DOCK2: variants seen among roughly 807,000 people sequenced by gnomAD.
DOCK2 encodes the protein dedicator of cytokinesis protein 2.
In DOCK2, 87 loss-of-function variants were observed where a neutral mutation model predicts 248.9. The observed-to-expected ratio is 0.35, with a 90% confidence interval of 0.29 to 0.42. The LOEUF is 0.42. Among genes scored for constraint, DOCK2 ranks in the 10% least tolerant of loss-of-function variants. The pLI is 1.00. For missense variants in DOCK2, 1,747 were observed against 2,300.2 expected, an observed-to-expected ratio of 0.76 and a Z score of 4.92; for synonymous variants, 805 against 821.6, an observed-to-expected ratio of 0.98 and a Z score of 0.35.
In DOCK2 at chr5:170,045,921, G is replaced by C; in HGVS notation, c.3966+16G>C. 6.2e-7 allele frequency: 1 copy of C among 1,613,800 alleles called. No individual in the cohort carries two copies. On this transcript the variant is annotated intron_variant, in intron 39 of 51. Coordinates refer to ENST00000520908, the MANE Select transcript of DOCK2 (RefSeq NM_004946.3). ...CCAGAACCTGGTAAGGCATCCCCTGGGAAGGCTGAATGCCCTGCAGGCTGG... is the reference window on the plus strand; with the variant it reads ...CCAGAACCTGGTAAGGCATCCCCTGCGAAGGCTGAATGCCCTGCAGGCTGG...
intron 26 of DOCK2, among the ~76,000 whole-genome samples, chr5:169,805,565 G>T (rs1012979122): frequency 1.4e-4 from 21 of 152,334 alleles, no homozygotes; most frequent in African/African-American, 4.3e-4. Flanking sequence ...TGTGCTAATT[G>T]TCAAGTTCCT....
intron 9 of DOCK2, among the ~76,000 whole-genome samples, chr5:169,693,941 G>A (rs1359125835): frequency 1.3e-5 from 2 of 152,182 alleles, no homozygotes; most frequent in Non-Finnish European, 2.9e-5. Flanking sequence ...CCTTTACTTA[G>A]TCAGCTGGTT....
At chr5:169,663,491 A>G (rs1268859353) in intron 2 of DOCK2, among the ~76,000 whole-genome samples, 1 of 152,212 alleles carries the variant, frequency 6.6e-6, no homozygotes, top group Non-Finnish European at 1.5e-5. Flanking sequence ...GAGGTTATCC[A>G]TGAAGATTCT....
chr5:169,770,451 T>A (rs970929933), intron 25 of DOCK2, among the ~76,000 whole-genome samples: 2 of 151,464 alleles, frequency 1.3e-5, no homozygotes, highest in African/African-American at 4.9e-5. Flanking sequence ...CATACCACCA[T>A]GTCTGGTGAA....
intron 26 of DOCK2, among the ~76,000 whole-genome samples, chr5:169,811,278 C>T (rs1490553150): frequency 6.6e-6 from 1 of 152,204 alleles, no homozygotes; most frequent in Non-Finnish European, 1.5e-5. Context: ...CTCTGATAAA[C>T]CTAGGCAGTT....
At chr5:169,733,612 T>A (rs1762894200) in intron 22 of DOCK2, among the ~76,000 whole-genome samples, 1 of 152,162 alleles carries the variant, frequency 6.6e-6, no homozygotes, top group African/African-American at 2.4e-5. Context: ...AAGTTAATCT[T>A]GTAGACTTAA....
In DOCK2 at chr5:169,895,441, G is replaced by A. The variant is rs190209078; in HGVS notation, c.2799+54589G>A. Among the ~76,000 whole-genome samples, 475 of 152,226 alleles carry A rather than the reference G, an allele frequency of 3.1e-3. 2 individuals are homozygous for A. The highest frequency in any genetic ancestry group is 4.9e-3 in the Non-Finnish European group (330 of 68,004). On this transcript the variant is annotated intron_variant, in intron 27 of 51. Transcript: ENST00000520908. ...GAACTTTCCTGGAGATCCGGGGACA[G>A]GGGGTGGTCTCACTCCTAACCACCT...
At chr5:169,880,568 C>T (rs1397373420) in intron 27 of DOCK2, among the ~76,000 whole-genome samples, 1 of 152,202 alleles carries the variant, frequency 6.6e-6, no homozygotes, top group East Asian at 1.9e-4. Context: ...AGTGGGCTTC[C>T]AGCTAAGGGG....
At chr5:170,001,527 A>G (rs1336673482) in intron 30 of DOCK2, among the ~76,000 whole-genome samples, 1 of 152,190 alleles carries the variant, frequency 6.6e-6, no homozygotes, top group African/African-American at 2.4e-5. Flanking sequence ...TAGCTCTGTG[A>G]TGTCGGACAA....
chr5:169,891,995 C>CAA (rs571918885), intron 27 of DOCK2, among the ~76,000 whole-genome samples: 3 of 64,208 alleles, frequency 4.7e-5, no homozygotes, highest in Non-Finnish European at 6.2e-5. Context: ...GATTCCGTCC[C>CAA]AAAAAAAAAA....
chr5:170,067,252 C>T lies in DOCK2; in HGVS notation c.4468-258C>T, dbSNP rs563883487. On this transcript the variant is annotated intron_variant, in intron 44 of 51. Coordinates refer to ENST00000520908, the MANE Select transcript of DOCK2 (RefSeq NM_004946.3). ...TAAGAAGAGAAAACCTTCTCTGGGG[C>T]ACACTCAGCAGGTACCTGACACTTC... Among the ~76,000 whole-genome samples, 9 of 145,208 alleles carry T rather than the reference C, an allele frequency of 6.2e-5. No individual in the cohort carries two copies. The South Asian group carries it at 1.9e-3, about 31-fold the overall frequency.
chr5:169,841,170 G>A (rs1190306476), intron 27 of DOCK2, among the ~76,000 whole-genome samples: 2 of 152,182 alleles, frequency 1.3e-5, no homozygotes, highest in African/African-American at 2.4e-5. Context: ...CATTCCAGAT[G>A]CATGTCCACT....
At chr5:169,689,477 C>A in intron 9 of DOCK2, 144 bp downstream of exon 9, 1 of 809,228 alleles carries the variant, frequency 1.2e-6, no homozygotes, top group Non-Finnish European at 2.0e-6. Flanking sequence ...CCAAAGCTGA[C>A]AAAGGACATT....
chr5:169,984,804 G>T lies in DOCK2; in HGVS notation c.2899-1024G>T, dbSNP rs867823229. Among the ~76,000 whole-genome samples, 10 of 152,290 alleles carry T rather than the reference G, an allele frequency of 6.6e-5. 1 individual carries two copies. The highest frequency in any genetic ancestry group is 5.2e-4 in the Admixed American group (8 of 15,304). ...CAACTTAAGGAAACAACTCTGAACG[G>T]ATTTCCTCTAGATTTTAAATTTTGC... On this transcript the variant is annotated intron_variant, in intron 28 of 51. Coordinates refer to ENST00000520908, the MANE Select transcript of DOCK2 (RefSeq NM_004946.3).
At chr5:169,962,395 C>T (rs576333805) in intron 27 of DOCK2, among the ~76,000 whole-genome samples, 43 of 152,118 alleles carry the variant, frequency 2.8e-4, no homozygotes, top group Admixed American at 9.8e-4. Flanking sequence ...TAGAGGCAAC[C>T]GGAAAGTGGG....
At chr5:169,867,791 T>C (rs1053223576) in intron 27 of DOCK2, among the ~76,000 whole-genome samples, 2 of 152,134 alleles carry the variant, frequency 1.3e-5, no homozygotes, top group Non-Finnish European at 2.9e-5. Flanking sequence ...GTCTGGGGTG[T>C]GGTGGAGTGG....
At chr5:169,999,234 G>A (rs1445144967) in intron 30 of DOCK2, among the ~76,000 whole-genome samples, 15 of 152,126 alleles carry the variant, frequency 9.9e-5, no homozygotes, top group Admixed American at 9.8e-4. Context: ...TGAGAAGTAC[G>A]GGCTTGCAAG....
intron 23 of DOCK2, 37 bp from the exon 24 acceptor site, chr5:169,759,668 G>T: frequency 6.2e-7 from 1 of 1,611,720 alleles, no homozygotes; most frequent in Non-Finnish European, 8.5e-7. Context: ...ACTTGTTGAT[G>T]TGAGGATCAC....
chr5:169,827,715 C>T (rs1432025749), intron 26 of DOCK2, among the ~76,000 whole-genome samples: 1 of 152,186 alleles, frequency 6.6e-6, no homozygotes, highest in Admixed American at 6.5e-5. Context: ...CCCAAATTTA[C>T]TGTAGTTGTA....
Sources: allele counts gnomAD v4.1 joint callset (sites outside exome capture counted in the v4.1 genomes callset), GRCh38; gene constraint gnomAD v4.1.1; transcripts MANE v1.5; gene names NCBI Gene and HGNC (gene_info 2026-07-23, HGNC 2026-07-21).